Variants in CACNA2D3 observed in about 807,000 individuals in gnomAD.
CACNA2D3 encodes the protein calcium voltage-gated channel auxiliary subunit alpha2delta 3, also known as voltage-dependent calcium channel subunit alpha-2/delta-3.
Under a neutral mutation model 160.6 loss-of-function variants are expected in CACNA2D3, and 60 were observed. The observed-to-expected ratio is 0.37, with a 90% CI of 0.30 to 0.46. The LOEUF (loss-of-function observed/expected upper bound fraction) is 0.46. CACNA2D3 is among the 20% of genes least tolerant of loss of function. The pLI is 1.00. For synonymous variants in CACNA2D3, 558 were observed against 492.9 expected, an observed-to-expected ratio of 1.13 and a Z score of -1.75; for missense variants, 1,205 against 1,365.0, an observed-to-expected ratio of 0.88 and a Z score of 1.85.
At chr3:55,007,518 T>A (rs1703123689) in intron 32 of CACNA2D3, among the ~76,000 whole-genome samples, 1 of 152,230 alleles carries the variant, frequency 6.6e-6, no homozygotes. Flanking sequence ...GGTGCTGAAC[T>A]TCCTTTTTCC....
In CACNA2D3 at chr3:54,952,740, C is replaced by G. The variant is rs142209981; in HGVS notation, c.2450-15710C>G. ...CTTCCAGATGGGAAAGCTCTCTCAT[C>G]TGTTTTCCAGCCCAGCCACTCCAAA... On this transcript the variant is annotated intron_variant, in intron 27 of 37. Coordinates refer to ENST00000474759, the MANE Select transcript of CACNA2D3 (RefSeq NM_018398.3). Among the ~76,000 whole-genome samples the G allele has an allele frequency of 9.4e-4, 143 of 152,316 alleles. 1 individual carries two copies. Among genetic ancestry groups the G allele is most frequent in the Non-Finnish European group, 7.1e-4 (48 of 68,032 alleles).
At chr3:54,381,485 A>G (rs927771295) in intron 3 of CACNA2D3, among the ~76,000 whole-genome samples, 1 of 152,228 alleles carries the variant, frequency 6.6e-6, no homozygotes, top group Admixed American at 6.5e-5. Flanking sequence ...GAACAAAAAC[A>G]TAAAATACAT....
chr3:55,073,154 G>C (rs1704853724), intron 35 of CACNA2D3, among the ~76,000 whole-genome samples: 1 of 152,152 alleles, frequency 6.6e-6, no homozygotes, highest in Non-Finnish European at 1.5e-5. Context: ...CTTGGGAACA[G>C]GTGATTCAGC....
intron 2 of CACNA2D3, among the ~76,000 whole-genome samples, chr3:54,303,612 T>C (rs1703527815): frequency 6.6e-6 from 1 of 152,074 alleles, no homozygotes; most frequent in Non-Finnish European, 1.5e-5. Context: ...TCACCCAGGG[T>C]GTTAACTCTG....
At chr3:54,298,970 AAAAG>A (rs1332949460) in intron 2 of CACNA2D3, among the ~76,000 whole-genome samples, 14 of 83,244 alleles carry the variant, frequency 1.7e-4, no homozygotes, top group South Asian at 5.0e-4. Context: ...AAAAAAAAAA[AAAAG>A]AAGAAGAAAG....
At chr3:54,890,388 C>CG (rs1700029285) in intron 24 of CACNA2D3, among the ~76,000 whole-genome samples, 1 of 147,368 alleles carries the variant, frequency 6.8e-6, no homozygotes, top group South Asian at 2.2e-4. Context: ...CCCAGCTACT[C>CG]GGGGGGCTGA....
intron 3 of CACNA2D3, among the ~76,000 whole-genome samples, chr3:54,376,069 T>A (rs956678634): frequency 3.9e-5 from 6 of 152,280 alleles, no homozygotes; most frequent in African/African-American, 1.4e-4. Context: ...AAAGTTCAGG[T>A]CTGATCACGT....
intron 27 of CACNA2D3, among the ~76,000 whole-genome samples, chr3:54,962,282 G>A (rs1419584251): frequency 6.6e-6 from 1 of 152,128 alleles, no homozygotes; most frequent in Non-Finnish European, 1.5e-5. Flanking sequence ...TTCTCTAAGA[G>A]CCTGCTTGGC....
chr3:54,492,119 G>A (rs1701120279), intron 4 of CACNA2D3, among the ~76,000 whole-genome samples: 1 of 152,174 alleles, frequency 6.6e-6, no homozygotes, highest in South Asian at 2.1e-4. Context: ...CAGGGGCAGA[G>A]GGCTGGGCTG....
chr3:54,450,957 G>A (rs956934446), intron 4 of CACNA2D3, among the ~76,000 whole-genome samples: 37 of 152,206 alleles, frequency 2.4e-4, no homozygotes, highest in African/African-American at 7.5e-4. Flanking sequence ...AACTGGCATA[G>A]GATAGACATT....
At chr3:54,280,908 A>T (rs1193162118) in intron 2 of CACNA2D3, among the ~76,000 whole-genome samples, 1 of 152,104 alleles carries the variant, frequency 6.6e-6, no homozygotes, top group Admixed American at 6.5e-5. Context: ...CACACACTCC[A>T]TACTTCCCTT....
At chr3:55,037,919 A>G (rs1327697586) in intron 35 of CACNA2D3, among the ~76,000 whole-genome samples, 1 of 152,200 alleles carries the variant, frequency 6.6e-6, no homozygotes, top group Non-Finnish European at 1.5e-5. Flanking sequence ...GTGAAGACAG[A>G]TACTGCAGTG....
intron 11 of CACNA2D3, among the ~76,000 whole-genome samples, chr3:54,721,776 AAAAG>A (rs1701174556): frequency 1.3e-5 from 2 of 151,558 alleles, no homozygotes; most frequent in African/African-American, 2.4e-5. Flanking sequence ...AAAAAAAAAA[AAAAG>A]AAAAGAAAAA....
At chr3:54,541,154 G>A (rs1575511938) in intron 5 of CACNA2D3, among the ~76,000 whole-genome samples, 2 of 151,732 alleles carry the variant, frequency 1.3e-5, no homozygotes, top group African/African-American at 2.4e-5. Context: ...GCGGGCGCCT[G>A]TAGTCCCAGC....
intron 35 of CACNA2D3, among the ~76,000 whole-genome samples, chr3:55,018,892 C>T (rs1703386544): frequency 6.7e-6 from 1 of 149,586 alleles, no homozygotes; most frequent in South Asian, 2.1e-4. Context: ...TCTTTACAAT[C>T]GTATGCATTG....
Position 54,969,535 on chromosome 3 carries a change from C to T in CACNA2D3, c.2512-265C>T, listed in dbSNP as rs576328326. 2.6e-5 allele frequency among the ~76,000 whole-genome samples: 4 copies of T among 152,290 alleles called. No individual in the cohort carries two copies. In the South Asian group the frequency reaches 8.3e-4, roughly 32 times the overall value. Reference sequence around the variant, plus strand: ...TTGGCCTCCCAAAGTGCAGGGATTACAGGTGTGAGCCACTGTGCCTGCCCC... The same window carrying T: ...TTGGCCTCCCAAAGTGCAGGGATTATAGGTGTGAGCCACTGTGCCTGCCCC... On this transcript the variant is annotated intron_variant, in intron 28 of 37. Transcript: ENST00000474759.
chr3:54,871,595 G>A lies in CACNA2D3; in HGVS notation c.1683G>A (p.Glu561=), dbSNP rs552728493. The A allele has an allele frequency of 5.0e-6, 8 of 1,613,538 alleles. No individual in the cohort carries two copies. The African/African-American group carries it at 6.7e-5, about 13-fold the overall frequency. ...ACTATAGTAGCGTTGACCTCTCTGAGGTGGAGTGGGAAGACCGAGATGACG... is the reference window on the plus strand; with the variant it reads ...ACTATAGTAGCGTTGACCTCTCTGAAGTGGAGTGGGAAGACCGAGATGACG... ...KPNYSSVDLS[E]VEWEDRDDVL... is the part of the protein sequence containing the mutation. The change falls in exon 18 of 38, where the codon GAG becomes GAA. Residue 561 remains glutamate (E), a synonymous_variant. Transcript: ENST00000474759.
At chr3:54,429,869 T>A (rs1699963561) in intron 4 of CACNA2D3, among the ~76,000 whole-genome samples, 1 of 152,180 alleles carries the variant, frequency 6.6e-6, no homozygotes, top group Admixed American at 6.5e-5. Flanking sequence ...TGCAGAAAAT[T>A]TAACATCCGT....
At chr3:54,219,201 A>G (rs571239280) in intron 2 of CACNA2D3, among the ~76,000 whole-genome samples, 1 of 152,278 alleles carries the variant, frequency 6.6e-6, no homozygotes, top group African/African-American at 2.4e-5. Flanking sequence ...GATTGTGCTT[A>G]TCTTTTCCCA....
Sources: allele counts gnomAD v4.1 joint callset (sites outside exome capture counted in the v4.1 genomes callset), GRCh38; gene constraint gnomAD v4.1.1; transcripts MANE v1.5; gene names NCBI Gene and HGNC (gene_info 2026-07-23, HGNC 2026-07-21).